The following SAMD13 variants were observed in gnomAD, a reference collection of about 807,000 sequenced individuals.
SAMD13 encodes sterile alpha motif domain containing 13.
A neutral mutation model predicts 12.4 loss-of-function variants in SAMD13; 9 were observed. The ratio of observed to expected loss-of-function variants is 0.72; its 90% CI spans 0.44 to 1.26. SAMD13 has a LOEUF of 1.26. SAMD13 is among the 50% of genes most tolerant of loss of function. SAMD13 has a pLI of 0.00. For synonymous variants in SAMD13, 46 were observed against 45.4 expected, an observed-to-expected ratio of 1.01 and a Z score of -0.05; for missense variants, 84 against 119.6, an observed-to-expected ratio of 0.70 and a Z score of 1.39.
chr1:84,321,704 A>T (rs1487355023), intron 2 of SAMD13, among the ~76,000 whole-genome samples: 1 of 152,244 alleles, frequency 6.6e-6, no homozygotes, highest in Non-Finnish European at 1.5e-5. Context: ...TTGGGGAGAC[A>T]TATTGTATTC....
At chr1:84,321,160 G>A (rs981138970) in intron 2 of SAMD13, among the ~76,000 whole-genome samples, 16 of 152,074 alleles carry the variant, frequency 1.1e-4, no homozygotes, top group Non-Finnish European at 2.2e-4. Context: ...TCTCTTTAAC[G>A]CTCATTAAAA....
intron 2 of SAMD13, among the ~76,000 whole-genome samples, chr1:84,315,571 A>G (rs1678815438): frequency 1.3e-5 from 2 of 152,176 alleles, no homozygotes; most frequent in South Asian, 4.1e-4. Context: ...AATTATTGGC[A>G]TGAGCCACCA....
intron 3 of SAMD13, among the ~76,000 whole-genome samples, chr1:84,328,838 G>C (rs771020677): frequency 1.4e-4 from 21 of 152,220 alleles, no homozygotes; most frequent in Non-Finnish European, 2.2e-4. Context: ...TAGAACAACT[G>C]CCTCCTTAAA....
At chr1:84,328,428 T>A (rs550708047) in intron 3 of SAMD13, among the ~76,000 whole-genome samples, 17 of 152,324 alleles carry the variant, frequency 1.1e-4, no homozygotes, top group Non-Finnish European at 2.2e-4. Flanking sequence ...GTCCAGAAGC[T>A]TGAGTTTCTT....
At chr1:84,340,364 A>C (rs571512477) in intron 3 of SAMD13, among the ~76,000 whole-genome samples, 1 of 152,362 alleles carries the variant, frequency 6.6e-6, no homozygotes, top group African/African-American at 2.4e-5. Context: ...TATCTAAAAT[A>C]GGCAAATTCA....
intron 3 of SAMD13, among the ~76,000 whole-genome samples, chr1:84,336,736 C>T (rs1679302771): frequency 6.6e-6 from 1 of 152,156 alleles, no homozygotes; most frequent in African/African-American, 2.4e-5. Flanking sequence ...AACAGTACCC[C>T]AAAGTCTTAA....
rs983762465 is a variant in SAMD13 at position 84,350,550 on chromosome 1, C to G, written c.*776C>G. 6.6e-6 allele frequency: 1 copy of G among 152,230 alleles called. No homozygotes were observed. Among genetic ancestry groups the G allele is most frequent in the Non-Finnish European group, 1.5e-5 (1 of 67,986 alleles). 9.4% of individuals were successfully genotyped at this position (152,230 alleles called of 1,614,324 possible). On this transcript the variant is annotated 3_prime_UTR_variant, in exon 4 of 4. Transcript: ENST00000394834. ...ATAATTTGTTTCTGAAGAAATTTGC[C>G]GAGAGTTACAGGTCAAAAAGCCTTG... is the stretch of plus-strand genomic sequence containing the variant.
chr1:84,344,936 T>A (rs1478937297), intron 3 of SAMD13: 1 of 456,572 alleles, frequency 2.2e-6, no homozygotes, highest in Non-Finnish European at 4.4e-6. Context: ...CAAAAAACAT[T>A]TGGAGGAGGA....
upstream of SAMD13, chr1:84,301,684 C>T (rs1399431591): frequency 1.0e-6 from 1 of 985,242 alleles, no homozygotes; most frequent in Non-Finnish European, 1.2e-6. Context: ...TTCACTGTGT[C>T]AAATTGTACC....
At position 84,349,761 on chromosome 1, in the gene SAMD13, A is replaced by G. The variant is rs1679609090; in HGVS notation, c.296A>G (p.Asn99Ser). The change falls in exon 4 of 4, where the codon AAC (asparagine) becomes AGC (serine). Residue 99 changes from asparagine to serine, a missense_variant. By Grantham distance (46) the Asn-to-Ser change is conservative. Transcript: ENST00000394834. Reference protein sequence around the residue: ...VKPLQTKHLKNNSS With the variant: ...VKPLQTKHLKSNSS ...CCTCTGCAGACAAAGCATTTAAAGAACAACTCTTCATAGTACAGTCAAATT... is the reference window on the plus strand; with the variant it reads ...CCTCTGCAGACAAAGCATTTAAAGAGCAACTCTTCATAGTACAGTCAAATT... 6.2e-7 allele frequency: 1 copy of G among 1,613,318 alleles called. No individual in the cohort carries two copies. Among genetic ancestry groups the G allele is most frequent in the Non-Finnish European group, 8.5e-7 (1 of 1,179,614 alleles).
chr1:84,327,227 T>G (rs1679077965), intron 3 of SAMD13, among the ~76,000 whole-genome samples: 1 of 152,200 alleles, frequency 6.6e-6, no homozygotes, highest in South Asian at 2.1e-4. Flanking sequence ...CCGTGATATA[T>G]TCATACAGTG....
At chr1:84,317,386 C>T (rs905083654) in intron 2 of SAMD13, among the ~76,000 whole-genome samples, 1 of 151,934 alleles carries the variant, frequency 6.6e-6, no homozygotes, top group Admixed American at 6.6e-5. Flanking sequence ...TCCCTCTATC[C>T]CTACTTTGTT....
chr1:84,299,657 G>GTGTATATATA (rs1553199278), upstream of SAMD13: 9 of 677,888 alleles, frequency 1.3e-5, no homozygotes, highest in Admixed American at 1.1e-4. Context: ...GAGTACTAGT[G>GTGTATATATA]TATATATATA....
At chr1:84,316,049 A>G (rs1007630839) in intron 2 of SAMD13, among the ~76,000 whole-genome samples, 2 of 151,948 alleles carry the variant, frequency 1.3e-5, no homozygotes, top group Non-Finnish European at 2.9e-5. Flanking sequence ...TCCTTCGACC[A>G]TTTTTTCAAT....
intron 2 of SAMD13, among the ~76,000 whole-genome samples, chr1:84,314,227 T>C (rs1047477637): frequency 6.6e-6 from 1 of 152,060 alleles, no homozygotes; most frequent in East Asian, 1.9e-4. Context: ...CGTGCATACA[T>C]GTACAGCAAT....
At chr1:84,329,499 G>A (rs758319188) in intron 3 of SAMD13, among the ~76,000 whole-genome samples, 4 of 152,124 alleles carry the variant, frequency 2.6e-5, no homozygotes, top group Non-Finnish European at 4.4e-5. Context: ...TTCTAGCAGC[G>A]TGACCTCTTG....
intron 2 of SAMD13, among the ~76,000 whole-genome samples, chr1:84,324,256 T>G (rs554954428): frequency 6.6e-6 from 1 of 152,298 alleles, no homozygotes; most frequent in Non-Finnish European, 1.5e-5. Context: ...ATAGGACCAT[T>G]CAACAGCTCC....
upstream of SAMD13, chr1:84,298,604 G>T (rs375613149): frequency 7.8e-7 from 1 of 1,280,240 alleles, no homozygotes; most frequent in African/African-American, 1.5e-5. Flanking sequence ...GCGTGGGAAG[G>T]CGCCCGCCCT....
At position 84,348,030 on chromosome 1, in the gene SAMD13, C is replaced by A. The variant is rs1163306558; in HGVS notation, c.166-1601C>A. ...TTCCCAAACTCAAAACCACCATAGA[C>A]CAGGTAGAAGTAATTCCTTGTTCTG... On this transcript the variant is annotated intron_variant, in intron 3 of 3. Transcript: ENST00000394834. Among the ~76,000 whole-genome samples the A allele has an allele frequency of 1.1e-4, 17 of 152,144 alleles. 1 individual carries two copies. Among genetic ancestry groups the A allele is most frequent in the Non-Finnish European group, 4.4e-5 (3 of 68,036 alleles).
Sources: allele counts gnomAD v4.1 joint callset (sites outside exome capture counted in the v4.1 genomes callset), GRCh38; gene constraint gnomAD v4.1.1; transcripts MANE v1.5; gene names NCBI Gene and HGNC (gene_info 2026-07-23, HGNC 2026-07-21).